Variants in ABCB4 observed in about 807,000 individuals in gnomAD.
ABCB4 encodes ATP binding cassette subfamily B member 4, also known as phosphatidylcholine translocator ABCB4.
In ABCB4, 76 loss-of-function variants were observed where a neutral mutation model predicts 145.7. The observed-to-expected ratio is 0.52, with a 90% CI of 0.43 to 0.63. The LOEUF is 0.63. Among genes scored for constraint, ABCB4 ranks in the 30% least tolerant of loss-of-function variants. ABCB4 has a pLI of 0.00. For missense variants in ABCB4, 1,234 were observed against 1,553.1 expected (o/e 0.79, Z 3.45); for synonymous variants, 517 against 566.8 (o/e 0.91, Z 1.25).
At chr7:87,379,268 T>C in the ABCB4 span, among the ~76,000 whole-genome samples, 1 of 152,226 alleles carries the variant, frequency 6.6e-6, no homozygotes, top group Non-Finnish European at 1.5e-5. Context: ...GACCTTAATA[T>C]TCATCACACT....
intron 23 of ABCB4, 82 bp downstream of exon 23, chr7:87,411,811 A>G (rs2116404320): frequency 7.2e-7 from 1 of 1,390,332 alleles, no homozygotes; most frequent in African/African-American, 1.4e-5. Context: ...CACAGGAGTC[A>G]TTTTTTTCCT....
chr7:87,421,348 T>C (rs1387303430), intron 18 of ABCB4, among the ~76,000 whole-genome samples: 3 of 152,160 alleles, frequency 2.0e-5, no homozygotes, highest in Non-Finnish European at 2.9e-5. Flanking sequence ...GGCGGATTGC[T>C]ACAGGTTCTA....
chr7:87,403,320 G>A lies in ABCB4; in HGVS notation c.3487-39C>T, dbSNP rs1303602731. 7 of 1,574,550 alleles carry A rather than the reference G, an allele frequency of 4.4e-6. No individual in the cohort carries two copies. The East Asian group carries it at 9.0e-5, about 20-fold the overall frequency. On this transcript the variant is annotated intron_variant, in intron 26 of 27. Transcript: ENST00000649586. ...AAATTATAAATATGTTGAATGAACT[G>A]TTGCTTAACAGTTGACAGTTCTATT... is the stretch of plus-strand genomic sequence containing the variant.
intron 24 of ABCB4, 92 bp from the exon 25 acceptor site, chr7:87,408,326 A>T (rs1182708873): frequency 4.8e-6 from 6 of 1,257,368 alleles, no homozygotes; most frequent in Non-Finnish European, 6.8e-6. Flanking sequence ...CAAAGACTGT[A>T]GTAGAGAAAC....
At chr7:87,366,028 C>G in the ABCB4 span, among the ~76,000 whole-genome samples, 1 of 152,204 alleles carries the variant, frequency 6.6e-6, no homozygotes, top group African/African-American at 2.4e-5. Context: ...TATCCCTTGT[C>G]AGCTGGATTC....
In ABCB4 at chr7:87,408,065, C is replaced by A; in HGVS notation, c.3251G>T (p.Arg1084Leu). Reference sequence around the variant, plus strand: ...TGTCCCCGCCAAGGGGTCGTAGAACCGCTCCAGGAGCTGGACCACCGTGCT... The same window carrying A: ...TGTCCCCGCCAAGGGGTCGTAGAACAGCTCCAGGAGCTGGACCACCGTGCT... ...GKSTVVQLLERFYDPLAGTVL... is the reference protein window; with the variant it reads ...GKSTVVQLLELFYDPLAGTVL... The change falls in exon 25 of 28, where the codon CGG becomes CTG. Residue 1084 changes from arginine (R) to leucine (L), a missense_variant. Transcript: ENST00000649586. 1.9e-6 allele frequency: 3 copies of A among 1,613,994 alleles called. No individual in the cohort carries two copies. Among genetic ancestry groups the A allele is most frequent in the Non-Finnish European group, 2.5e-6 (3 of 1,180,012 alleles).
chr7:87,381,961 G>T, the ABCB4 span: 1 of 1,610,850 alleles, frequency 6.2e-7, no homozygotes, highest in South Asian at 1.1e-5. Context: ...TTATGTGGAT[G>T]AGAAAATTTT....
chr7:87,421,360 G>C (rs529199896), intron 18 of ABCB4, among the ~76,000 whole-genome samples: 1 of 152,112 alleles, frequency 6.6e-6, no homozygotes, highest in South Asian at 2.1e-4. Context: ...CAGGTTCTAT[G>C]CATCAGCCCA....
intron 25 of ABCB4, 94 bp from the exon 26 acceptor site, chr7:87,406,588 G>A: frequency 7.4e-7 from 1 of 1,353,198 alleles, no homozygotes; most frequent in South Asian, 1.2e-5. Flanking sequence ...ATCGTTGCAT[G>A]AGGGTGTCAG....
At chr7:87,431,347 T>G (rs1810206954) in intron 15 of ABCB4, 57 bp downstream of exon 15, 2 of 1,607,234 alleles carry the variant, frequency 1.2e-6, no homozygotes, top group Admixed American at 3.3e-5. Flanking sequence ...ATTTTAATAT[T>G]TAAAGAACAC....
chr7:87,449,869 A>T, intron 8 of ABCB4, 99 bp downstream of exon 8: 2 of 1,582,460 alleles, frequency 1.3e-6, no homozygotes, highest in Admixed American at 3.4e-5. Flanking sequence ...AGAAGGGTTA[A>T]TATTAGGAAA....
chr7:87,382,165 C>T, the ABCB4 span: 22 of 1,609,820 alleles, frequency 1.4e-5, no homozygotes, highest in Non-Finnish European at 1.9e-5. Flanking sequence ...CAAGCTAAAG[C>T]CCAGTATCTC....
At chr7:87,433,669 GTTGTTGTTT>G (rs1810396968) in intron 14 of ABCB4, among the ~76,000 whole-genome samples, 1 of 124,052 alleles carries the variant, frequency 8.1e-6, no homozygotes, top group Non-Finnish European at 1.6e-5. Flanking sequence ...ACAAAAAATT[GTTGTTGTTT>G]TTTTTTTTTT....
chr7:87,447,505 A>T (rs1235367959), intron 8 of ABCB4, among the ~76,000 whole-genome samples: 1 of 152,198 alleles, frequency 6.6e-6, no homozygotes, highest in African/African-American at 2.4e-5. Context: ...GAGCTTCTCC[A>T]TCACCTTCAC....
At chr7:87,423,515 C>T (rs1470401450) in intron 17 of ABCB4, 1 of 307,150 alleles carries the variant, frequency 3.3e-6, no homozygotes, top group Non-Finnish European at 6.3e-6. Flanking sequence ...CCAGTCTATA[C>T]CCAGTGCCTG....
chr7:87,466,573 C>T (rs1033779930), intron 3 of ABCB4, among the ~76,000 whole-genome samples: 4 of 152,046 alleles, frequency 2.6e-5, no homozygotes, highest in African/African-American at 9.7e-5. Context: ...TCCTCGAGAA[C>T]AGCAACTCCA....
the ABCB4 span, among the ~76,000 whole-genome samples, chr7:87,387,348 G>A: frequency 6.6e-6 from 1 of 151,944 alleles, no homozygotes; most frequent in Non-Finnish European, 1.5e-5. Context: ...TTGTGTTTAA[G>A]TCTACCATCT....
At chr7:87,375,691 C>T in the ABCB4 span, 1 of 1,613,628 alleles carries the variant, frequency 6.2e-7, no homozygotes, top group East Asian at 2.2e-5. Flanking sequence ...GGGATTGCAG[C>T]ATTAACTAGT....
At chr7:87,466,268 C>A (rs1470970078) in intron 3 of ABCB4, among the ~76,000 whole-genome samples, 1 of 152,026 alleles carries the variant, frequency 6.6e-6, no homozygotes, top group African/African-American at 2.4e-5. Flanking sequence ...GCTTCAGTAG[C>A]CAATTCGATC....
Sources: allele counts gnomAD v4.1 joint callset (sites outside exome capture counted in the v4.1 genomes callset), GRCh38; gene constraint gnomAD v4.1.1; transcripts MANE v1.5; gene names NCBI Gene and HGNC (gene_info 2026-07-23, HGNC 2026-07-21).